KHDRBS2: variants seen among roughly 807,000 people sequenced by gnomAD.
KHDRBS2 encodes KH RNA binding domain containing, signal transduction associated 2.
A neutral mutation model predicts 44.3 loss-of-function variants in KHDRBS2; 26 were observed. The ratio of observed to expected loss-of-function variants is 0.59; its 90% CI spans 0.43 to 0.81. The LOEUF is 0.81. Among genes scored for constraint, KHDRBS2 ranks in the 40% least tolerant of loss-of-function variants. The pLI, the probability that KHDRBS2 is intolerant of heterozygous loss-of-function variation, is 0.00. For missense variants in KHDRBS2, 476 were observed against 433.1 expected, an observed-to-expected ratio of 1.10 and a Z score of -0.88; for synonymous variants, 194 against 151.1, an observed-to-expected ratio of 1.28 and a Z score of -2.08.
chr6:61,596,504 G>A, the KHDRBS2 span, among the ~76,000 whole-genome samples: 1 of 152,110 alleles, frequency 6.6e-6, no homozygotes, highest in Middle Eastern at 3.2e-3. Context: ...GATCTTCTAG[G>A]TTTGGATAAG....
the KHDRBS2 span, among the ~76,000 whole-genome samples, chr6:61,670,444 T>A: frequency 6.6e-6 from 1 of 151,488 alleles, no homozygotes; most frequent in Non-Finnish European, 1.5e-5. Context: ...TTCTAAATAA[T>A]TATTTACTGG....
chr6:61,942,965 G>A (rs753479656), intron 4 of KHDRBS2, among the ~76,000 whole-genome samples: 4 of 144,870 alleles, frequency 2.8e-5, no homozygotes, highest in Non-Finnish European at 4.5e-5. Context: ...AAAGAGGAGA[G>A]AGAGAGGGAG....
At chr6:61,810,465 C>T (rs1434847808) in intron 6 of KHDRBS2, among the ~76,000 whole-genome samples, 2 of 152,048 alleles carry the variant, frequency 1.3e-5, no homozygotes, top group Non-Finnish European at 2.9e-5. Flanking sequence ...TCCAGAGCAG[C>T]ATTTTCCAGC....
chr6:62,094,075 C>A (rs1210149362), intron 2 of KHDRBS2, among the ~76,000 whole-genome samples: 1 of 151,804 alleles, frequency 6.6e-6, no homozygotes, highest in Non-Finnish European at 1.5e-5. Context: ...TATGATAATA[C>A]TATTTTTAAT....
At chr6:61,920,161 G>A (rs1259853782) in intron 4 of KHDRBS2, among the ~76,000 whole-genome samples, 2 of 151,902 alleles carry the variant, frequency 1.3e-5, no homozygotes, top group Non-Finnish European at 2.9e-5. Context: ...GAAATTATGT[G>A]TATTAGATTC....
At chr6:61,862,515 A>C (rs1288787234) in intron 6 of KHDRBS2, among the ~76,000 whole-genome samples, 1 of 151,964 alleles carries the variant, frequency 6.6e-6, no homozygotes, top group Non-Finnish European at 1.5e-5. Flanking sequence ...TTAATTGAGA[A>C]CACTTAACAT....
rs73491129 is a variant in KHDRBS2, at chr6:62,127,865, G to C, written c.219+49320C>G. ...TCATTCAGTGATTGATCAATTCGTT[G>C]ATCATCTAATTGGTTCATTTATTCA... On this transcript the variant is annotated intron_variant, in intron 2 of 8. Coordinates refer to ENST00000281156, the MANE Select transcript of KHDRBS2 (RefSeq NM_152688.4). Among the ~76,000 whole-genome samples, 1,448 of 152,160 alleles carry C rather than the reference G, an allele frequency of 9.5e-3. 25 individuals are homozygous for C. The highest frequency in any genetic ancestry group is 0.034 in the African/African-American group (1,394 of 41,526).
chr6:61,880,209 T>C (rs1026340805), intron 6 of KHDRBS2, among the ~76,000 whole-genome samples: 21 of 151,832 alleles, frequency 1.4e-4, no homozygotes, highest in African/African-American at 5.1e-4. Context: ...ATAGAGACAG[T>C]CAAGATTTAA....
At chr6:62,156,923 G>A (rs1202859321) in intron 2 of KHDRBS2, among the ~76,000 whole-genome samples, 4 of 147,710 alleles carry the variant, frequency 2.7e-5, no homozygotes, top group African/African-American at 9.9e-5. Flanking sequence ...CGGACCTCGT[G>A]ATCCGCCCGC....
chr6:62,030,748 T>C (rs1465546355), intron 3 of KHDRBS2, among the ~76,000 whole-genome samples: 35 of 152,186 alleles, frequency 2.3e-4, no homozygotes, highest in Admixed American at 2.2e-3. Flanking sequence ...ATAAAAAAGA[T>C]TATATAAATG....
At chr6:61,925,691 T>C (rs1040614589) in intron 4 of KHDRBS2, among the ~76,000 whole-genome samples, 25 of 147,950 alleles carry the variant, frequency 1.7e-4, no homozygotes, top group Admixed American at 4.8e-4. Context: ...CACTGCACTC[T>C]AGCCTGGGCA....
the KHDRBS2 span, among the ~76,000 whole-genome samples, chr6:61,553,971 A>G: frequency 2.0e-5 from 3 of 152,024 alleles, no homozygotes; most frequent in Admixed American, 6.6e-5. Context: ...AAGAATGTAT[A>G]TTCTCTTGTC....
At chr6:62,053,766 T>C (rs1789630602) in intron 2 of KHDRBS2, among the ~76,000 whole-genome samples, 1 of 151,906 alleles carries the variant, frequency 6.6e-6, no homozygotes, top group South Asian at 2.1e-4. Flanking sequence ...CAGATAAATA[T>C]TATAAATATC....
intron 7 of KHDRBS2, among the ~76,000 whole-genome samples, chr6:61,714,250 T>C (rs1771015052): frequency 6.6e-6 from 1 of 151,458 alleles, no homozygotes; most frequent in Admixed American, 6.6e-5. Context: ...AGCAAACACA[T>C]AAATAGACAT....
At chr6:62,056,766 C>G (rs1790377186) in intron 2 of KHDRBS2, among the ~76,000 whole-genome samples, 1 of 151,952 alleles carries the variant, frequency 6.6e-6, no homozygotes, top group African/African-American at 2.4e-5. Context: ...AAAGTGATGT[C>G]TCCACCAGGA....
intron 1 of KHDRBS2, among the ~76,000 whole-genome samples, chr6:62,209,965 C>T (rs1828740629): frequency 6.6e-6 from 1 of 152,122 alleles, no homozygotes; most frequent in Admixed American, 6.5e-5. Flanking sequence ...AGACTAGCTT[C>T]CTTGATCCTC....
At chr6:62,168,125 G>T (rs1348585691) in intron 2 of KHDRBS2, among the ~76,000 whole-genome samples, 1 of 152,058 alleles carries the variant, frequency 6.6e-6, no homozygotes, top group Non-Finnish European at 1.5e-5. Flanking sequence ...ACACATTTTG[G>T]AACTTCAGTT....
At chr6:62,061,709 G>A (rs1003680314) in intron 2 of KHDRBS2, among the ~76,000 whole-genome samples, 2 of 150,640 alleles carry the variant, frequency 1.3e-5, no homozygotes, top group African/African-American at 4.9e-5. Flanking sequence ...TCCTGAATCT[G>A]AACGTTGGCC....
the KHDRBS2 span, among the ~76,000 whole-genome samples, chr6:61,667,134 CT>C: frequency 0.083 from 11,027 of 133,414 alleles, 497 homozygotes; most frequent in African/African-American, 0.13. Context: ...CCGCAAAGTA[CT>C]TTTTTTTTTT....
Sources: allele counts gnomAD v4.1 joint callset (sites outside exome capture counted in the v4.1 genomes callset), GRCh38; gene constraint gnomAD v4.1.1; transcripts MANE v1.5; gene names NCBI Gene and HGNC (gene_info 2026-07-23, HGNC 2026-07-21).